Variants in THOC2 observed in about 807,000 individuals in gnomAD.
THOC2 encodes the protein THO complex 2.
In THOC2, 10 loss-of-function variants were observed where a neutral mutation model predicts 128.4. The ratio of observed to expected loss-of-function variants is 0.08; its 90% CI spans 0.05 to 0.13. The LOEUF is 0.13. Among genes scored for constraint, THOC2 ranks in the 10% least tolerant of loss-of-function variants. The pLI, the probability that THOC2 is intolerant of heterozygous loss-of-function variation, is 1.00. For synonymous variants in THOC2, 393 were observed against 396.9 expected (o/e 0.99, Z 0.12); for missense variants, 535 against 1,155.7 (o/e 0.46, Z 7.79).
At chrX:123,635,784 T>C (rs2047650769) in intron 19 of THOC2, among the ~76,000 whole-genome samples, 1 of 112,010 alleles carries the variant, frequency 8.9e-6, no homozygotes, top group South Asian at 3.7e-4. Flanking sequence ...AGATATACAA[T>C]GTATCATATT....
chrX:123,656,380 T>C (rs1390776498), intron 12 of THOC2, among the ~76,000 whole-genome samples: 2 of 101,094 alleles, frequency 2.0e-5, no homozygotes, highest in Non-Finnish European at 2.0e-5. Context: ...GAGGAACTTA[T>C]GCTATTTACT....
At chrX:123,615,616 T>C (rs1386998363) in intron 33 of THOC2, among the ~76,000 whole-genome samples, 1 of 99,572 alleles carries the variant, frequency 1.0e-5, no homozygotes, top group African/African-American at 3.6e-5. Flanking sequence ...AGAAGACTTC[T>C]CTAAGTAGTA....
chrX:123,676,891 C>T (rs1365068299), intron 8 of THOC2, among the ~76,000 whole-genome samples: 2 of 111,603 alleles, frequency 1.8e-5, no homozygotes, highest in African/African-American at 3.3e-5. Context: ...TCCATAATGC[C>T]AATTTCATGT....
At position 123,633,058 on chromosome X, in the gene THOC2, C is replaced by T; in HGVS notation, c.2137-18G>A. 1 of 1,175,543 alleles carries T rather than the reference C, an allele frequency of 8.5e-7. No homozygotes were observed. Among genetic ancestry groups the T allele is most frequent in the East Asian group, 3.0e-5 (1 of 33,625 alleles). On this transcript the variant is annotated intron_variant, in intron 20 of 38. Coordinates refer to ENST00000245838, the MANE Select transcript of THOC2 (RefSeq NM_001081550.2). ...TAACCACCCTGCACAAGGGAAGACA[C>T]AAATTTACCAGTGTACAGTACATAA... is the stretch of plus-strand genomic sequence containing the variant.
chrX:123,690,025 C>A (rs2050156016), intron 7 of THOC2, among the ~76,000 whole-genome samples: 1 of 110,074 alleles, frequency 9.1e-6, no homozygotes, highest in African/African-American at 3.3e-5. Flanking sequence ...TACATACATA[C>A]ACACACACAC....
intron 8 of THOC2, among the ~76,000 whole-genome samples, chrX:123,684,369 C>T (rs2049919367): frequency 8.9e-6 from 1 of 111,868 alleles, no homozygotes; most frequent in African/African-American, 3.3e-5. Flanking sequence ...ATGCTTGAAT[C>T]TCTCTTTCCC....
chrX:123,682,028 A>C (rs889751867), intron 8 of THOC2, among the ~76,000 whole-genome samples: 16 of 112,135 alleles, frequency 1.4e-4, no homozygotes, highest in African/African-American at 4.9e-4. Flanking sequence ...CATGCGCTCC[A>C]GCCTGGGCAA....
chrX:123,627,771 T>C lies in THOC2; in HGVS notation c.2679A>G (p.Ala893=), dbSNP rs371799826. The C allele has an allele frequency of 5.2e-5, 63 of 1,211,313 alleles. 1 individual carries two copies. In the South Asian group the frequency reaches 1.1e-3, roughly 21 times the overall value. Residue 893 remains alanine (A), a synonymous_variant, in exon 23 of 39, where the codon GCA becomes GCG. Coordinates refer to ENST00000245838, the MANE Select transcript of THOC2 (RefSeq NM_001081550.2). ...CTCGTTCATAGCTGGTGTGTGGAAC[T>C]GCAAGGTCATACATTGTCAATGACC... is the stretch of plus-strand genomic sequence containing the variant. ...TFWSLTMYDL[A]VPHTSYEREV... is the part of the protein sequence containing the mutation.
At chrX:123,676,680 T>C (rs1026395457) in intron 8 of THOC2, among the ~76,000 whole-genome samples, 8 of 111,727 alleles carry the variant, frequency 7.2e-5, no homozygotes, top group African/African-American at 9.8e-5. Context: ...CTGCCCTTCA[T>C]TTTGCAACAA....
chrX:123,685,386 A>G (rs936621081), intron 8 of THOC2, among the ~76,000 whole-genome samples: 11 of 112,201 alleles, frequency 9.8e-5, no homozygotes, highest in Admixed American at 1.9e-4. Context: ...CTGCATGGGT[A>G]AAGAGTCAGC....
intron 9 of THOC2, among the ~76,000 whole-genome samples, chrX:123,669,820 T>C (rs748281580): frequency 3.6e-5 from 4 of 112,142 alleles, no homozygotes; most frequent in Non-Finnish European, 7.5e-5. Context: ...CCAAAAAGTC[T>C]ATTTTGTCCA....
At chrX:123,730,418 T>C (rs1373701764) in intron 1 of THOC2, among the ~76,000 whole-genome samples, 1 of 111,408 alleles carries the variant, frequency 9.0e-6, no homozygotes, top group Non-Finnish European at 1.9e-5. Context: ...CCTCAGGTGA[T>C]CCACCCGCCT....
chrX:123,732,279 G>A (rs1026642008), intron 1 of THOC2, among the ~76,000 whole-genome samples: 1 of 112,594 alleles, frequency 8.9e-6, no homozygotes, highest in Non-Finnish European at 1.9e-5. Context: ...ATAGCTCTAA[G>A]GTGAAAAGAC....
chrX:123,685,907 C>T (rs1321013616), intron 8 of THOC2, among the ~76,000 whole-genome samples: 1 of 111,279 alleles, frequency 9.0e-6, no homozygotes, highest in Non-Finnish European at 1.9e-5. Flanking sequence ...AAACAAAATT[C>T]GTGATCCAAG....
intron 12 of THOC2, among the ~76,000 whole-genome samples, chrX:123,658,865 C>A (rs1324250251): frequency 8.9e-6 from 1 of 111,805 alleles, no homozygotes; most frequent in Non-Finnish European, 1.9e-5. Context: ...ATGTACCACT[C>A]TGGTGGGAGA....
chrX:123,634,268 T>G (rs1480417663), intron 19 of THOC2, among the ~76,000 whole-genome samples, 198 bp from the exon 20 acceptor site: 2 of 111,813 alleles, frequency 1.8e-5, no homozygotes, highest in Non-Finnish European at 3.8e-5. Context: ...AACTTTTACT[T>G]GGAAATAATT....
chrX:123,700,527 G>T (rs1452340915), intron 4 of THOC2, among the ~76,000 whole-genome samples: 1 of 72,625 alleles, frequency 1.4e-5, no homozygotes, highest in African/African-American at 5.1e-5. Flanking sequence ...GGCGGCGGGG[G>T]GGAGGTGGTG....
At chrX:123,633,488 C>T (rs1478611608) in intron 20 of THOC2, among the ~76,000 whole-genome samples, 5 of 111,634 alleles carry the variant, frequency 4.5e-5, no homozygotes, top group Non-Finnish European at 1.9e-5. Context: ...CTGCAACCTC[C>T]GCCTCCTGGG....
intron 22 of THOC2, among the ~76,000 whole-genome samples, 183 bp from the exon 23 acceptor site, chrX:123,628,151 A>T (rs2047333892): frequency 9.0e-6 from 1 of 111,710 alleles, no homozygotes; most frequent in African/African-American, 3.3e-5. Flanking sequence ...TCATCTCTGG[A>T]AGCTATTCCA....
Sources: gnomAD v4.1 joint callset for allele counts (sites outside exome capture counted in the v4.1 genomes callset) on GRCh38, gnomAD v4.1.1 for gene constraint, MANE v1.5 for transcripts, NCBI Gene and HGNC (gene_info 2026-07-23, HGNC 2026-07-21) for gene names.